Variants in UNC13C observed in about 807,000 individuals in gnomAD.
UNC13C encodes the protein unc-13 homolog C, also known as protein unc-13 homolog C.
UNC13C carries 174 observed loss-of-function variants against 245.4 expected under a neutral mutation model. The ratio of observed to expected loss-of-function variants is 0.71; its 90% confidence interval spans 0.63 to 0.80. The LOEUF (loss-of-function observed/expected upper bound fraction) is 0.80, where lower values mean the gene tolerates loss of function less well. Among genes scored for constraint, UNC13C ranks in the 30% least tolerant of loss-of-function variants. The pLI is 0.00. For synonymous variants in UNC13C, 992 were observed against 895.1 expected (o/e 1.11, Z -1.93); for missense variants, 2,829 against 2,602.9 (o/e 1.09, Z -1.89).
At chr15:54,312,601 A>G (rs1165380888) in intron 13 of UNC13C, among the ~76,000 whole-genome samples, 1 of 151,706 alleles carries the variant, frequency 6.6e-6, no homozygotes, top group Non-Finnish European at 1.5e-5. Context: ...TTCACATCCC[A>G]TTGCTCATTC....
chr15:54,264,123 G>C (rs781753242), intron 8 of UNC13C, 45 bp from the exon 9 acceptor site: 8 of 1,530,936 alleles, frequency 5.2e-6, no homozygotes, highest in Non-Finnish European at 7.1e-6. Context: ...CCATCAAAAA[G>C]TAATGGCATT....
the UNC13C span, among the ~76,000 whole-genome samples, chr15:53,887,890 T>G: frequency 6.6e-6 from 1 of 152,346 alleles, no homozygotes; most frequent in East Asian, 1.9e-4. Context: ...AACTCATCCC[T>G]TTTTATGGCT....
chr15:54,084,935 G>GT (rs1409033164), intron 2 of UNC13C, among the ~76,000 whole-genome samples: 24 of 152,174 alleles, frequency 1.6e-4, no homozygotes, highest in Admixed American at 1.1e-3. Flanking sequence ...CAATAATAGT[G>GT]TATTATGATT....
At chr15:53,910,920 T>C in the UNC13C span, 1 of 114,616 alleles carries the variant, frequency 8.7e-6, no homozygotes, top group African/African-American at 2.7e-5. Context: ...CAGGATGAAG[T>C]GAGTAGGTCT....
At chr15:54,555,283 G>T in intron 28 of UNC13C, 149 bp from the exon 29 acceptor site, 2 of 625,798 alleles carry the variant, frequency 3.2e-6, no homozygotes, top group Non-Finnish European at 5.6e-6. Context: ...TAAAATATAT[G>T]ACAATCATTT....
chr15:54,331,137 A>G (rs1050095960), intron 14 of UNC13C, among the ~76,000 whole-genome samples: 43 of 152,178 alleles, frequency 2.8e-4, no homozygotes, highest in African/African-American at 8.7e-4. Flanking sequence ...ATTTTTGTCA[A>G]TATCCTCCAA....
chr15:54,555,661 T>C (rs1036393709), intron 29 of UNC13C, 149 bp downstream of exon 29: 2 of 624,712 alleles, frequency 3.2e-6, no homozygotes, highest in African/African-American at 1.8e-5. Flanking sequence ...GGTGCAATAG[T>C]AATTGTGGTT....
At chr15:53,955,235 G>C in the UNC13C span, among the ~76,000 whole-genome samples, 2 of 150,262 alleles carry the variant, frequency 1.3e-5, no homozygotes, top group Non-Finnish European at 3.0e-5. Flanking sequence ...ACTTCCTTTT[G>C]TACTATGATA....
the UNC13C span, among the ~76,000 whole-genome samples, chr15:53,937,655 A>G: frequency 6.6e-6 from 1 of 152,214 alleles, no homozygotes; most frequent in Non-Finnish European, 1.5e-5. Flanking sequence ...TCACCTACAA[A>G]GGGAAATCCA....
intron 28 of UNC13C, among the ~76,000 whole-genome samples, chr15:54,550,906 C>A (rs1361203689): frequency 6.6e-6 from 1 of 152,154 alleles, no homozygotes; most frequent in African/African-American, 2.4e-5. Context: ...GGTCTTACTA[C>A]AAAAGAAATG....
chr15:54,039,503 C>T (rs1896724529), intron 2 of UNC13C, among the ~76,000 whole-genome samples: 1 of 152,158 alleles, frequency 6.6e-6, no homozygotes, highest in African/African-American at 2.4e-5. Context: ...ACTAGAATCC[C>T]TCCACACAGA....
chr15:54,198,976 A>G (rs542159266), intron 4 of UNC13C, among the ~76,000 whole-genome samples: 11 of 152,156 alleles, frequency 7.2e-5, no homozygotes, highest in African/African-American at 2.6e-4. Flanking sequence ...CTTTAGTGAA[A>G]CAAAAAGCAT....
intron 10 of UNC13C, among the ~76,000 whole-genome samples, chr15:54,285,836 G>A (rs1318088392): frequency 2.0e-5 from 3 of 150,980 alleles, no homozygotes; most frequent in Admixed American, 6.6e-5. Flanking sequence ...TTTTATATAC[G>A]TATATATTTA....
chr15:53,860,013 T>C, the UNC13C span, among the ~76,000 whole-genome samples: 20 of 152,228 alleles, frequency 1.3e-4, no homozygotes, highest in Non-Finnish European at 2.6e-4. Context: ...AATCCGGATA[T>C]GTTTTTGTCT....
At chr15:54,238,138 G>A (rs1026131251) in intron 7 of UNC13C, among the ~76,000 whole-genome samples, 77 of 138,570 alleles carry the variant, frequency 5.6e-4, no homozygotes, top group African/African-American at 7.7e-4. Context: ...GCAGTGGCAC[G>A]ATCTCGGCTC....
intron 29 of UNC13C, among the ~76,000 whole-genome samples, chr15:54,564,018 A>C (rs1316180408): frequency 3.3e-5 from 5 of 152,004 alleles, no homozygotes; most frequent in Non-Finnish European, 7.4e-5. Context: ...ATAAAGTAGA[A>C]TTCTCGTCAA....
rs75793313 is a variant in UNC13C, at chr15:54,450,245, C to A, written c.4933+35178C>A. ...GGACCCACTTGAGGAGTCAGTCTGT[C>A]CGTTCTCAGATCTCAAACACTGTGC... On this transcript the variant is annotated intron_variant, in intron 19 of 32. Coordinates refer to ENST00000260323, the MANE Select transcript of UNC13C (RefSeq NM_001080534.3). Among the ~76,000 whole-genome samples, 302 of 152,368 alleles carry A rather than the reference C, an allele frequency of 2.0e-3. 10 individuals are homozygous for A. In the East Asian group the frequency reaches 0.055, roughly 28 times the overall value.
chr15:54,622,010 G>A (rs993429489), intron 30 of UNC13C, among the ~76,000 whole-genome samples: 1 of 152,102 alleles, frequency 6.6e-6, no homozygotes, highest in Admixed American at 6.6e-5. Flanking sequence ...GCATCCTTGT[G>A]TGCAAGAAAT....
At chr15:54,352,102 G>T (rs2140844437) in intron 17 of UNC13C, among the ~76,000 whole-genome samples, 1 of 151,658 alleles carries the variant, frequency 6.6e-6, no homozygotes, top group Non-Finnish European at 1.5e-5. Context: ...AGTTAAATAT[G>T]AAATTTTAAA....
Sources: gnomAD v4.1 joint callset for allele counts (sites outside exome capture counted in the v4.1 genomes callset) on GRCh38, gnomAD v4.1.1 for gene constraint, MANE v1.5 for transcripts, NCBI Gene and HGNC (gene_info 2026-07-23, HGNC 2026-07-21) for gene names.